The following KCNH5 variants were observed in gnomAD, a reference collection of about 807,000 sequenced individuals.
KCNH5 encodes potassium voltage-gated channel subfamily H member 5, also known as voltage-gated delayed rectifier potassium channel KCNH5.
In KCNH5, 46 loss-of-function variants were observed where a neutral mutation model predicts 96.1. The ratio of observed to expected loss-of-function variants is 0.48; its 90% CI spans 0.38 to 0.61. The LOEUF (loss-of-function observed/expected upper bound fraction) is 0.61. KCNH5 is among the 20% of genes least tolerant of loss of function. The probability of loss-of-function intolerance (pLI) is 0.00; values close to 1 mark genes in which losing one functional copy is unlikely to be tolerated. For synonymous variants in KCNH5, 439 were observed against 449.8 expected (o/e 0.98, Z 0.30); for missense variants, 907 against 1,225.8 (o/e 0.74, Z 3.88).
intron 10 of KCNH5, among the ~76,000 whole-genome samples, chr14:62,770,983 G>T (rs1885973698): frequency 6.6e-6 from 1 of 152,120 alleles, no homozygotes; most frequent in African/African-American, 2.4e-5. Context: ...AGGTCATAAT[G>T]ATGAGGCTCT....
At chr14:62,890,512 G>A (rs1254762209) in intron 7 of KCNH5, among the ~76,000 whole-genome samples, 1 of 150,584 alleles carries the variant, frequency 6.6e-6, no homozygotes, top group Non-Finnish European at 1.5e-5. Flanking sequence ...CGGCTAACAC[G>A]GTGAAACCCC....
chr14:62,789,917 T>G (rs1240348005), intron 9 of KCNH5, among the ~76,000 whole-genome samples: 2 of 151,910 alleles, frequency 1.3e-5, no homozygotes, highest in East Asian at 1.9e-4. Context: ...GTAACCCTAT[T>G]TATTTATTTT....
chr14:62,893,173 C>A (rs899264243), intron 7 of KCNH5, among the ~76,000 whole-genome samples: 3 of 152,076 alleles, frequency 2.0e-5, no homozygotes, highest in Admixed American at 6.6e-5. Context: ...TGTGAGGAGG[C>A]CAAAATATCT....
At chr14:62,945,548 G>C (rs1889870017) in intron 7 of KCNH5, among the ~76,000 whole-genome samples, 1 of 152,172 alleles carries the variant, frequency 6.6e-6, no homozygotes, top group African/African-American at 2.4e-5. Flanking sequence ...GAAACGGACA[G>C]AGGCCTACCT....
chr14:63,036,803 AG>A (rs1174217804), intron 1 of KCNH5, among the ~76,000 whole-genome samples: 2 of 152,154 alleles, frequency 1.3e-5, no homozygotes, highest in African/African-American at 4.8e-5. Flanking sequence ...GCCAGTAGAA[AG>A]GGCAGCAGGG....
intron 3 of KCNH5, 73 bp from the exon 4 acceptor site, chr14:63,001,532 T>C: frequency 7.1e-7 from 1 of 1,399,568 alleles, no homozygotes; most frequent in Non-Finnish European, 9.6e-7. Flanking sequence ...GTCTCCTGGC[T>C]TCCTTCTTCC....
intron 1 of KCNH5, among the ~76,000 whole-genome samples, chr14:63,022,091 T>C (rs1012489256): frequency 6.6e-6 from 1 of 152,190 alleles, no homozygotes; most frequent in African/African-American, 2.4e-5. Context: ...CTATCTTAAA[T>C]GTGCTTCAGT....
At chr14:62,831,139 C>A (rs1207343558) in intron 8 of KCNH5, among the ~76,000 whole-genome samples, 16 of 152,116 alleles carry the variant, frequency 1.1e-4, no homozygotes, top group Non-Finnish European at 2.4e-4. Flanking sequence ...GCTAGTGAAC[C>A]CTGGTGGCTA....
intron 7 of KCNH5, among the ~76,000 whole-genome samples, chr14:62,865,534 G>T (rs1431647899): frequency 6.6e-6 from 1 of 152,042 alleles, no homozygotes; most frequent in Non-Finnish European, 1.5e-5. Context: ...AGAATCACAG[G>T]ACAGAGTGGC....
intron 5 of KCNH5, among the ~76,000 whole-genome samples, chr14:62,984,579 T>C (rs1279860379): frequency 6.6e-6 from 1 of 152,176 alleles, no homozygotes; most frequent in African/African-American, 2.4e-5. Context: ...TTTATGTCTA[T>C]CTTTGGAGAT....
At chr14:62,944,048 CTA>C (rs1368591260) in intron 7 of KCNH5, among the ~76,000 whole-genome samples, 1 of 152,046 alleles carries the variant, frequency 6.6e-6, no homozygotes, top group Non-Finnish European at 1.5e-5. Flanking sequence ...AAGGCCTATA[CTA>C]TTTTTTGAAG....
chr14:62,740,466 G>A (rs759453163), intron 10 of KCNH5, among the ~76,000 whole-genome samples: 5 of 151,948 alleles, frequency 3.3e-5, no homozygotes, highest in Non-Finnish European at 7.4e-5. Flanking sequence ...GCCCCATTTT[G>A]CTCTCCTGCT....
At chr14:62,948,191 T>C (rs1595696097) in intron 7 of KCNH5, among the ~76,000 whole-genome samples, 2 of 152,172 alleles carry the variant, frequency 1.3e-5, no homozygotes. Context: ...TATTCCATGG[T>C]GTATATGTGC....
chr14:62,721,274 G>T lies in KCNH5; in HGVS notation c.2020-12819C>A, dbSNP rs569902999. On this transcript the variant is annotated intron_variant, in intron 10 of 10. Transcript: ENST00000322893. The stretch of plus-strand genomic sequence containing the variant: ...GCCTGTGCAAATTTGAGGACCCAAA[G>T]TTTGCTTTTGGGCTAATAGAAAAAA... 5.3e-5 allele frequency among the ~76,000 whole-genome samples: 8 copies of T among 152,190 alleles called. No individual in the cohort carries two copies. In the South Asian group the frequency reaches 1.5e-3, roughly 28 times the overall value.
rs1887958581 is a variant in KCNH5, at chr14:62,857,791, A to T, written c.1370-7939T>A. 7.9e-5 allele frequency among the ~76,000 whole-genome samples: 12 copies of T among 152,102 alleles called. No homozygotes were observed. The South Asian group carries it at 2.1e-3, about 26-fold the overall frequency. On this transcript the variant is annotated intron_variant, in intron 7 of 10. Coordinates refer to ENST00000322893, the MANE Select transcript of KCNH5 (RefSeq NM_139318.5). ...TCAAATGTTAAACTCCTTTGGCAAC[A>T]CCCTCACAGACATACCCAGGATCAA...
chr14:63,015,230 C>T (rs1891304311), intron 2 of KCNH5, among the ~76,000 whole-genome samples: 1 of 152,084 alleles, frequency 6.6e-6, no homozygotes, highest in Middle Eastern at 3.2e-3. Flanking sequence ...GTTAAAAATA[C>T]TGACTCCCTG....
Position 62,763,790 on chromosome 14 carries a change from T to C in KCNH5, c.2019+15938A>G, listed in dbSNP as rs544520801. Among the ~76,000 whole-genome samples, 9 of 152,192 alleles carry C rather than the reference T, an allele frequency of 5.9e-5. No individual in the cohort carries two copies. In the East Asian group the frequency reaches 9.6e-4, roughly 16 times the overall value. Reference sequence around the variant, plus strand: ...TACAAACTAGAAAATTTAGAAGAAATTGATAAATTCCTAGAAACATGCAAC... The same window carrying C: ...TACAAACTAGAAAATTTAGAAGAAACTGATAAATTCCTAGAAACATGCAAC... On this transcript the variant is annotated intron_variant, in intron 10 of 10. Transcript: ENST00000322893.
chr14:62,871,984 T>C (rs1888265156), intron 7 of KCNH5, among the ~76,000 whole-genome samples: 1 of 152,196 alleles, frequency 6.6e-6, no homozygotes, highest in Admixed American at 6.5e-5. Flanking sequence ...AGAAATCCTG[T>C]TATCATCTCT....
chr14:62,922,821 A>G (rs1566709257), intron 7 of KCNH5, among the ~76,000 whole-genome samples: 1 of 152,012 alleles, frequency 6.6e-6, no homozygotes, highest in Non-Finnish European at 1.5e-5. Flanking sequence ...ATATATGGCA[A>G]GCCCACAGCT....
Sources: allele counts gnomAD v4.1 joint callset (sites outside exome capture counted in the v4.1 genomes callset), GRCh38; gene constraint gnomAD v4.1.1; transcripts MANE v1.5; gene names NCBI Gene and HGNC (gene_info 2026-07-23, HGNC 2026-07-21).